Variants in MIPEP observed in about 807,000 individuals in gnomAD.
The protein encoded by MIPEP is mitochondrial intermediate peptidase.
A neutral mutation model predicts 90.3 loss-of-function variants in MIPEP; 79 were observed. That is an observed-to-expected ratio of 0.87 (90% CI 0.73 to 1.05). The LOEUF (loss-of-function observed/expected upper bound fraction) is 1.05. Among genes scored for constraint, MIPEP ranks in the 50% least tolerant of loss-of-function variants. The pLI, the probability that MIPEP is intolerant of heterozygous loss-of-function variation, is 0.00. For missense variants in MIPEP, 940 were observed against 905.6 expected, an observed-to-expected ratio of 1.04 and a Z score of -0.49; for synonymous variants, 334 against 315.8, an observed-to-expected ratio of 1.06 and a Z score of -0.61.
intron 16 of MIPEP, among the ~76,000 whole-genome samples, chr13:23,774,659 A>G (rs1374824431): frequency 6.6e-6 from 1 of 152,062 alleles, no homozygotes; most frequent in African/African-American, 2.4e-5. Context: ...ACTCTTCCAG[A>G]TGCTATTGTA....
intron 16 of MIPEP, among the ~76,000 whole-genome samples, chr13:23,779,787 C>T (rs1952759254): frequency 1.3e-5 from 2 of 152,212 alleles, no homozygotes; most frequent in African/African-American, 4.8e-5. Flanking sequence ...ACGGTCTTAG[C>T]AAACGGCACA....
chr13:23,742,098 G>C lies in MIPEP; in HGVS notation c.2045-11653C>G, dbSNP rs116516630. Among the ~76,000 whole-genome samples the C allele has an allele frequency of 1.0e-3, 158 of 152,292 alleles. 1 individual carries two copies. The highest frequency in any genetic ancestry group is 3.5e-3 in the African/African-American group (144 of 41,556). ...ATGCAGTTCCACCAACAGCCTCAGG[G>C]GCACTGTGCTGGTGTGAATTTGGGG... is the stretch of plus-strand genomic sequence containing the variant. On this transcript the variant is annotated intron_variant, in intron 18 of 18. Transcript: ENST00000382172.
At chr13:23,834,057 T>C (rs1868903543) in intron 14 of MIPEP, among the ~76,000 whole-genome samples, 1 of 151,964 alleles carries the variant, frequency 6.6e-6, no homozygotes, top group South Asian at 2.1e-4. Context: ...GCCGTGTACT[T>C]GTCTGCGGGT....
intron 15 of MIPEP, among the ~76,000 whole-genome samples, chr13:23,806,963 C>T (rs1186818112): frequency 6.6e-6 from 1 of 152,034 alleles, no homozygotes; most frequent in Non-Finnish European, 1.5e-5. Context: ...TGCAGCATCT[C>T]GTGAGTATAG....
At chr13:23,824,901 G>A (rs1462439076) in intron 14 of MIPEP, among the ~76,000 whole-genome samples, 1 of 152,132 alleles carries the variant, frequency 6.6e-6, no homozygotes, top group Non-Finnish European at 1.5e-5. Context: ...AGAAACATAG[G>A]TCAGATGGCT....
At chr13:23,829,137 A>G (rs1868613848) in intron 14 of MIPEP, among the ~76,000 whole-genome samples, 1 of 152,212 alleles carries the variant, frequency 6.6e-6, no homozygotes, top group African/African-American at 2.4e-5. Flanking sequence ...AGTAAAATGG[A>G]TTCCCGCCTT....
At chr13:23,781,522 G>A (rs1308921907) in intron 16 of MIPEP, among the ~76,000 whole-genome samples, 10 of 152,256 alleles carry the variant, frequency 6.6e-5, no homozygotes, top group African/African-American at 2.2e-4. Context: ...AAAGACCATC[G>A]ATGCTAGGAA....
At chr13:23,807,822 C>T (rs138828376) in intron 15 of MIPEP, among the ~76,000 whole-genome samples, 296 of 152,110 alleles carry the variant, frequency 1.9e-3, no homozygotes, top group African/African-American at 6.9e-3. Context: ...TTCAATTATG[C>T]CTTTTACAAA....
intron 14 of MIPEP, among the ~76,000 whole-genome samples, chr13:23,811,625 A>G (rs759182344): frequency 6.6e-6 from 1 of 152,240 alleles, no homozygotes. Flanking sequence ...GCCAGAGGCT[A>G]TAAGACTTGT....
At chr13:23,861,530 G>C (rs1441853816) in intron 9 of MIPEP, among the ~76,000 whole-genome samples, 2 of 152,182 alleles carry the variant, frequency 1.3e-5, no homozygotes, top group Non-Finnish European at 2.9e-5. Context: ...CCTAGTGGCT[G>C]TATCTGGGAA....
intron 11 of MIPEP, among the ~76,000 whole-genome samples, chr13:23,840,495 T>C (rs1869246851): frequency 6.6e-6 from 1 of 152,204 alleles, no homozygotes; most frequent in South Asian, 2.1e-4. Context: ...TCTCCTCTTA[T>C]AAATTTTTCT....
At chr13:23,804,015 T>C (rs1310514679) in intron 16 of MIPEP, among the ~76,000 whole-genome samples, 1 of 152,202 alleles carries the variant, frequency 6.6e-6, no homozygotes, top group Non-Finnish European at 1.5e-5. Flanking sequence ...TACATCTTTC[T>C]ATTTTCTCAA....
intron 16 of MIPEP, among the ~76,000 whole-genome samples, chr13:23,773,748 G>C (rs1239945407): frequency 6.6e-6 from 1 of 152,032 alleles, no homozygotes; most frequent in African/African-American, 2.4e-5. Flanking sequence ...TGTCATTTTT[G>C]TATCTTCCTT....
intron 7 of MIPEP, among the ~76,000 whole-genome samples, chr13:23,866,847 A>G (rs933612942): frequency 1.3e-5 from 2 of 152,112 alleles, no homozygotes; most frequent in Non-Finnish European, 2.9e-5. Context: ...GGTATCTCAA[A>G]CTTAACTTGA....
intron 17 of MIPEP, 143 bp downstream of exon 17, chr13:23,759,953 G>T: frequency 9.9e-7 from 1 of 1,009,042 alleles, no homozygotes; most frequent in Non-Finnish European, 1.5e-6. Context: ...CAAGTGGGGC[G>T]AGGCTGTGTG....
rs551480262 is a variant in MIPEP at position 23,880,619 on chromosome 13, G to A, written c.452+1080C>T. The stretch of plus-strand genomic sequence containing the variant: ...CTCCTTCCCAGGGGCCTTTCCCCGA[G>A]AGGCAAAGCTTTCTCCCAGGGAGTC... On this transcript the variant is annotated intron_variant, in intron 3 of 18. Coordinates refer to ENST00000382172, the MANE Select transcript of MIPEP (RefSeq NM_005932.4). 1.1e-4 allele frequency among the ~76,000 whole-genome samples: 16 copies of A among 152,314 alleles called. No individual in the cohort carries two copies. In the South Asian group the frequency reaches 3.3e-3, roughly 32 times the overall value.
chr13:23,885,779 T>G (rs916254717), intron 2 of MIPEP, among the ~76,000 whole-genome samples: 1 of 151,166 alleles, frequency 6.6e-6, no homozygotes, highest in Admixed American at 6.6e-5. Context: ...TTAAAACTGG[T>G]TTTCACACCT....
chr13:23,773,775 A>G (rs990268255), intron 16 of MIPEP, among the ~76,000 whole-genome samples: 7 of 152,182 alleles, frequency 4.6e-5, no homozygotes, highest in Admixed American at 2.0e-4. Context: ...ATATCTCTTC[A>G]AACCCTTTGC....
At chr13:23,830,386 T>C (rs975561526) in intron 14 of MIPEP, among the ~76,000 whole-genome samples, 1 of 152,162 alleles carries the variant, frequency 6.6e-6, no homozygotes, top group Non-Finnish European at 1.5e-5. Flanking sequence ...GAATAAATAA[T>C]GTGGCCAAAA....
Sources: allele counts gnomAD v4.1 joint callset (sites outside exome capture counted in the v4.1 genomes callset), GRCh38; gene constraint gnomAD v4.1.1; transcripts MANE v1.5; gene names NCBI Gene and HGNC (gene_info 2026-07-23, HGNC 2026-07-21).